The following TAX1BP1 variants were observed in gnomAD, a reference collection of about 807,000 sequenced individuals.
TAX1BP1 encodes tax1-binding protein 1.
A neutral mutation model predicts 97.7 loss-of-function variants in TAX1BP1; 62 were observed. That is an observed-to-expected ratio of 0.63 (90% CI 0.52 to 0.78). TAX1BP1 has a LOEUF of 0.78. Ranked by LOEUF, TAX1BP1 falls within the 30% of genes least tolerant of loss-of-function variation. TAX1BP1 has a pLI of 0.00. For missense variants in TAX1BP1, 867 were observed against 916.1 expected, an observed-to-expected ratio of 0.95 and a Z score of 0.69; for synonymous variants, 340 against 304.2, an observed-to-expected ratio of 1.12 and a Z score of -1.23.
In TAX1BP1 at chr7:27,827,793, A is replaced by G. The variant is rs1791242163; in HGVS notation, c.2141A>G (p.His714Arg). 6.2e-7 allele frequency: 1 copy of G among 1,613,982 alleles called. No homozygotes were observed. Among genetic ancestry groups the G allele is most frequent in the East Asian group, 2.2e-5 (1 of 44,878 alleles). ...PDPPSQHLRG[H>R]GTGFCFDSSF... ...CCTCCAAGTCAACATTTACGTGGGCATGGGACAGGCTTTTGCTTTGATTCC... is the reference window on the plus strand; with the variant it reads ...CCTCCAAGTCAACATTTACGTGGGCGTGGGACAGGCTTTTGCTTTGATTCC... Residue 714 changes from histidine to arginine, a missense_variant, in exon 16 of 17, where the codon CAT (histidine) becomes CGT (arginine). His to Arg is a conservative substitution (Grantham distance 29). Transcript: ENST00000396319.
At chr7:27,826,818 C>T (rs1791193164) in intron 15 of TAX1BP1, among the ~76,000 whole-genome samples, 2 of 152,180 alleles carry the variant, frequency 1.3e-5, no homozygotes, top group Non-Finnish European at 2.9e-5. Flanking sequence ...TTTTGTTCCT[C>T]TATAGCAGAG....
chr7:27,801,038 A>T (rs1180251884), intron 13 of TAX1BP1, among the ~76,000 whole-genome samples: 1 of 142,188 alleles, frequency 7.0e-6, no homozygotes, highest in Non-Finnish European at 1.5e-5. Flanking sequence ...CTGGAGGCGG[A>T]GGTTGCAGTG....
intron 1 of TAX1BP1, among the ~76,000 whole-genome samples, chr7:27,742,626 C>T (rs992655138): frequency 6.6e-6 from 1 of 152,158 alleles, no homozygotes; most frequent in Admixed American, 6.5e-5. Flanking sequence ...CCCACACATA[C>T]CCGGCAAATT....
In TAX1BP1 at chr7:27,818,177, A is replaced by C. The variant is rs531530127; in HGVS notation, c.2085+1139A>C. Reference sequence around the variant, plus strand: ...CGTAGTCATCTGCTTCAGTTTAATTAGCAGAATGTTCTTTCTGATCTGTGT... The same window carrying C: ...CGTAGTCATCTGCTTCAGTTTAATTCGCAGAATGTTCTTTCTGATCTGTGT... On this transcript the variant is annotated intron_variant, in intron 15 of 16. Coordinates refer to ENST00000396319, the MANE Select transcript of TAX1BP1 (RefSeq NM_006024.7). Among the ~76,000 whole-genome samples, 17 of 152,308 alleles carry C rather than the reference A, an allele frequency of 1.1e-4. No individual in the cohort carries two copies. The East Asian group carries it at 3.1e-3, about 28-fold the overall frequency.
rs746510980 is a variant in TAX1BP1 at position 27,758,092 on chromosome 7, A to C, written c.224A>C (p.Tyr75Ser). 6.7e-5 allele frequency: 108 copies of C among 1,612,508 alleles called. No homozygotes were observed. Among genetic ancestry groups the C allele is most frequent in the Non-Finnish European group, 8.9e-5 (105 of 1,179,282 alleles). ...TTATGGTCCCCTATGCCTGAACATT[A>C]TGTGGAAGGATCAACAGTCAATTGT... ...TFLWSPMPEH[Y>S]VEGSTVNCVL... is the part of the protein sequence containing the mutation. The change falls in exon 3 of 17, where the codon TAT becomes TCT. Residue 75 changes from tyrosine (Y) to serine (S), a missense_variant. Tyr to Ser is a moderately radical substitution (Grantham distance 144). Transcript: ENST00000396319.
chr7:27,806,032 C>T (rs1790322417), intron 13 of TAX1BP1, among the ~76,000 whole-genome samples: 1 of 151,838 alleles, frequency 6.6e-6, no homozygotes, highest in Admixed American at 6.6e-5. Context: ...GCATTCCCTA[C>T]ACCCAGGTTA....
At chr7:27,795,216 T>C (rs902183801) in intron 11 of TAX1BP1, among the ~76,000 whole-genome samples, 1 of 152,218 alleles carries the variant, frequency 6.6e-6, no homozygotes, top group South Asian at 2.1e-4. Flanking sequence ...GAATTGAGCC[T>C]TCTGTTTCCA....
chr7:27,759,500 T>C (rs550175936), intron 3 of TAX1BP1, among the ~76,000 whole-genome samples: 1 of 152,168 alleles, frequency 6.6e-6, no homozygotes, highest in Non-Finnish European at 1.5e-5. Context: ...TTAAAGTTGA[T>C]GGATGACCTG....
intron 8 of TAX1BP1, among the ~76,000 whole-genome samples, chr7:27,789,291 T>C (rs147498233): frequency 6.6e-6 from 1 of 152,166 alleles, no homozygotes; most frequent in East Asian, 1.9e-4. Flanking sequence ...TAATATTTGC[T>C]TTTATTCTTC....
At position 27,765,851 on chromosome 7, in the gene TAX1BP1, G is replaced by C; in HGVS notation, c.283G>C (p.Asp95His). ...LAFQGYYLPN[D>H]DGEFYQFCYV... Reference sequence around the variant, plus strand: ...CCTCTTAGGATATTACCTTCCAAATGATGATGGAGAATTTTATCAGTTCTG... The same window carrying C: ...CCTCTTAGGATATTACCTTCCAAATCATGATGGAGAATTTTATCAGTTCTG... Residue 95 changes from aspartate (D) to histidine (H), a missense_variant, in exon 4 of 17, where the codon GAT (aspartate) becomes CAT (histidine). Physicochemically the swap from Asp to His is moderately conservative, Grantham distance 81. Around this residue, in one of 3 missense-constraint regions of TAX1BP1, gnomAD observed 822 missense variants for 851.4 expected, o/e 0.97. Transcript: ENST00000396319. 6.2e-7 allele frequency: 1 copy of C among 1,613,576 alleles called. No homozygotes were observed. Among genetic ancestry groups the C allele is most frequent in the Non-Finnish European group, 8.5e-7 (1 of 1,179,594 alleles).
At chr7:27,763,096 G>A (rs1486384676) in intron 3 of TAX1BP1, among the ~76,000 whole-genome samples, 1 of 152,102 alleles carries the variant, frequency 6.6e-6, no homozygotes, top group Admixed American at 6.5e-5. Flanking sequence ...AGGAAGTCAG[G>A]GAAAGCTTAG....
chr7:27,822,087 A>G (rs1790999534), intron 15 of TAX1BP1, among the ~76,000 whole-genome samples: 2 of 152,176 alleles, frequency 1.3e-5, no homozygotes, highest in Non-Finnish European at 2.9e-5. Flanking sequence ...CATGATACTC[A>G]AAGGAAATGC....
intron 3 of TAX1BP1, among the ~76,000 whole-genome samples, chr7:27,761,210 G>GA (rs892338097): frequency 1.3e-5 from 2 of 152,080 alleles, no homozygotes; most frequent in Non-Finnish European, 2.9e-5. Context: ...TAGGTTTACA[G>GA]AAAAAATTGA....
intron 3 of TAX1BP1, among the ~76,000 whole-genome samples, chr7:27,762,987 G>A (rs2128310722): frequency 6.6e-6 from 1 of 152,220 alleles, no homozygotes; most frequent in East Asian, 1.9e-4. Flanking sequence ...AATGCAATAT[G>A]TTTTACAAGT....
intron 5 of TAX1BP1, among the ~76,000 whole-genome samples, chr7:27,773,301 A>T (rs1235986900): frequency 2.0e-5 from 3 of 152,222 alleles, no homozygotes; most frequent in Non-Finnish European, 1.5e-5. Flanking sequence ...TTGAGATGTC[A>T]TTTGTGTATC....
intron 5 of TAX1BP1, among the ~76,000 whole-genome samples, chr7:27,773,733 G>A (rs79164517): frequency 0.013 from 1,979 of 152,050 alleles, 28 homozygotes; most frequent in South Asian, 0.03. Flanking sequence ...CAGTTTGTGT[G>A]TTTCATTGTG....
At chr7:27,780,405 C>T (rs922492115) in intron 5 of TAX1BP1, among the ~76,000 whole-genome samples, 1 of 152,154 alleles carries the variant, frequency 6.6e-6, no homozygotes, top group East Asian at 1.9e-4. Flanking sequence ...CTCTGTGGCT[C>T]ACTTTTCTCA....
At chr7:27,741,495 C>A (rs893047676) in intron 1 of TAX1BP1, among the ~76,000 whole-genome samples, 1 of 151,126 alleles carries the variant, frequency 6.6e-6, no homozygotes, top group African/African-American at 2.4e-5. Context: ...CTAGTCATCA[C>A]GTTCTTTTTT....
chr7:27,790,237 A>AT (rs1469557359), intron 8 of TAX1BP1, among the ~76,000 whole-genome samples: 2 of 151,958 alleles, frequency 1.3e-5, no homozygotes, highest in Non-Finnish European at 2.9e-5. Context: ...TTCATTCATC[A>AT]TAACAACTGC....
Sources: allele counts gnomAD v4.1 joint callset (sites outside exome capture counted in the v4.1 genomes callset), GRCh38; gene constraint gnomAD v4.1.1; regional missense constraint gnomAD v4.1.1; transcripts MANE v1.5; gene names NCBI Gene and HGNC (gene_info 2026-07-23, HGNC 2026-07-21).